The following TM6SF1 variants were observed in gnomAD, a reference collection of about 807,000 sequenced individuals.
The protein encoded by TM6SF1 is transmembrane 6 superfamily member 1.
Under a neutral mutation model 47.1 loss-of-function variants are expected in TM6SF1, and 43 were observed. The ratio of observed to expected loss-of-function variants is 0.91; its 90% CI spans 0.72 to 1.18. TM6SF1 has a LOEUF of 1.18. TM6SF1 is among the 50% of genes most tolerant of loss of function. TM6SF1 has a pLI of 0.00. For synonymous variants in TM6SF1, 177 were observed against 166.3 expected (o/e 1.06, Z -0.49); for missense variants, 390 against 449.0 (o/e 0.87, Z 1.19).
At chr15:83,113,746 C>G (rs2034404418) in intron 2 of TM6SF1, 1 of 152,654 alleles carries the variant, frequency 6.6e-6, no homozygotes, top group African/African-American at 2.4e-5. Flanking sequence ...CCAGGCATGC[C>G]CTTCTCATGG....
At chr15:83,116,072 G>C in intron 3 of TM6SF1, 130 bp downstream of exon 3, 1 of 689,540 alleles carries the variant, frequency 1.5e-6, no homozygotes, top group East Asian at 2.7e-5. Flanking sequence ...TCCTATAATA[G>C]CCTTAGGTCG....
intron 9 of TM6SF1, chr15:83,130,649 T>C (rs1014771656): frequency 2.0e-5 from 3 of 152,232 alleles, no homozygotes; most frequent in Admixed American, 2.0e-4. Flanking sequence ...TTATAGTGTG[T>C]AGGCTAAGGA....
At chr15:83,108,846 A>G (rs543434723) in intron 1 of TM6SF1, among the ~76,000 whole-genome samples, 23 of 152,310 alleles carry the variant, frequency 1.5e-4, no homozygotes, top group African/African-American at 5.1e-4. Context: ...ACCCACACTG[A>G]GTGCTCACCA....
intron 1 of TM6SF1, among the ~76,000 whole-genome samples, chr15:83,108,194 A>T (rs2033839867): frequency 6.6e-6 from 1 of 152,114 alleles, no homozygotes. Context: ...ACTTTCGCAT[A>T]CTTATCATTT....
intron 1 of TM6SF1, among the ~76,000 whole-genome samples, chr15:83,110,196 C>T (rs1452279698): frequency 6.6e-6 from 1 of 152,178 alleles, no homozygotes; most frequent in Non-Finnish European, 1.5e-5. Flanking sequence ...GTCTCCCTCT[C>T]TCACTGAGAG....
At position 83,132,452 on chromosome 15, in the gene TM6SF1, C is replaced by CT. The variant is rs541195581; in HGVS notation, c.922-4028dup. ...CAGTCAGGTGCTGCCCTCAGACTCT[C>CT]TAACTCCCTGGCTATGTAGGTGCTA... On this transcript the variant is annotated intron_variant, in intron 9 of 9. Transcript: ENST00000322019. 6.6e-4 allele frequency: 101 copies of CT among 152,334 alleles called. 1 individual carries two copies. The highest frequency in any genetic ancestry group is 2.3e-3 in the African/African-American group (94 of 41,574). 9.4% of individuals were successfully genotyped at this position (152,334 alleles called of 1,614,324 possible).
chr15:83,112,914 A>G lies in TM6SF1; in HGVS notation c.196+14A>G, dbSNP rs370638491. The G allele has an allele frequency of 5.3e-5, 84 of 1,585,286 alleles. No individual in the cohort carries two copies. Among genetic ancestry groups the G allele is most frequent in the Non-Finnish European group, 6.9e-5 (80 of 1,153,686 alleles). On this transcript the variant is annotated intron_variant, in intron 2 of 9. Transcript: ENST00000322019. ...CACTGTTCTATGGTACGTCTCCACA[A>G]AGGGAAATCTTTTGTATCTGATTAA...
intron 2 of TM6SF1, 73 bp downstream of exon 2, chr15:83,112,973 C>A: frequency 7.9e-7 from 1 of 1,270,746 alleles, no homozygotes; most frequent in Non-Finnish European, 1.2e-6. Flanking sequence ...TCACATATTC[C>A]TCCTTGGTTG....
At chr15:83,122,045 C>G (rs760511780) in intron 5 of TM6SF1, 42 bp downstream of exon 5, 1 of 1,460,520 alleles carries the variant, frequency 6.8e-7, no homozygotes, top group East Asian at 2.3e-5. Flanking sequence ...TTTTCTAAAA[C>G]AATGGGGCTT....
At chr15:83,126,347 AG>A (rs2035751047) in intron 7 of TM6SF1, among the ~76,000 whole-genome samples, 1 of 152,202 alleles carries the variant, frequency 6.6e-6, no homozygotes, top group Non-Finnish European at 1.5e-5. Flanking sequence ...GGAGACAGGA[AG>A]GTGCTATTTT....
chr15:83,120,571 T>G (rs1040569632), intron 4 of TM6SF1, among the ~76,000 whole-genome samples: 2 of 150,896 alleles, frequency 1.3e-5, no homozygotes, highest in Non-Finnish European at 2.9e-5. Flanking sequence ...GCACTCAAGG[T>G]CAGCTCCAGC....
At chr15:83,128,494 C>T (rs2035964308) in intron 9 of TM6SF1, 3 of 152,174 alleles carry the variant, frequency 2.0e-5, no homozygotes. Flanking sequence ...CCTCTAAATA[C>T]CTGATTCCTC....
rs1176944978 is a variant in TM6SF1 at position 83,107,834 on chromosome 15, G to C, written c.92+62G>C. The C allele has an allele frequency of 2.0e-6, 3 of 1,515,844 alleles. No homozygotes were observed. The highest frequency in any genetic ancestry group is 1.4e-5 in the African/African-American group (1 of 69,252). The allele number at this position is 1,515,844 out of a possible 1,614,324, so 93.9% of individuals were successfully genotyped here. ...GCGGCGGGAGTTGGCTCGCCGCGAC[G>C]GGAGCCTCGCAACTTTTCCGAGGGG... On this transcript the variant is annotated intron_variant, in intron 1 of 9. Coordinates refer to ENST00000322019, the MANE Select transcript of TM6SF1 (RefSeq NM_023003.5). The surrounding 1 kb of genome is among the most constrained non-coding windows in gnomAD (Gnocchi z 5.6).
chr15:83,107,964 G>T lies in TM6SF1; in HGVS notation c.92+192G>T. ...GGGGTCGCACGGGCCGGGTCTTGGAGCCGGGCCCTGAGGTGCCCAGGCTGG... is the reference window on the plus strand; with the variant it reads ...GGGGTCGCACGGGCCGGGTCTTGGATCCGGGCCCTGAGGTGCCCAGGCTGG... On this transcript the variant is annotated intron_variant, in intron 1 of 9. Coordinates refer to ENST00000322019, the MANE Select transcript of TM6SF1 (RefSeq NM_023003.5). This position sits in a 1 kb window ranked among gnomAD's most constrained non-coding sequence, Gnocchi z 5.6. 2.6e-6 allele frequency: 3 copies of T among 1,168,734 alleles called. No homozygotes were observed. The highest frequency in any genetic ancestry group is 2.4e-5 in the South Asian group (1 of 42,544). The allele number at this position is 1,168,734 out of a possible 1,614,324, so 72.4% of individuals were successfully genotyped here. A position where few individuals can be genotyped will look rare whatever the true frequency, so the allele number is the denominator to read the frequency against.
intron 7 of TM6SF1, 101 bp from the exon 8 acceptor site, chr15:83,126,654 G>A: frequency 1.1e-6 from 1 of 922,602 alleles, no homozygotes; most frequent in Non-Finnish European, 1.7e-6. Context: ...TTGTTAAACA[G>A]CAAAGCAGCT....
At chr15:83,117,948 C>T (rs138507662) in intron 3 of TM6SF1, among the ~76,000 whole-genome samples, 47 of 152,036 alleles carry the variant, frequency 3.1e-4, no homozygotes, top group Middle Eastern at 3.4e-3. Flanking sequence ...GGAGAATTGC[C>T]GGGGTGACAT....
chr15:83,124,216 T>C (rs1166870013), intron 6 of TM6SF1, among the ~76,000 whole-genome samples: 3 of 152,194 alleles, frequency 2.0e-5, no homozygotes, highest in Non-Finnish European at 2.9e-5. Flanking sequence ...CAGAATTGTT[T>C]ATATACAGGA....
chr15:83,119,442 A>G lies in TM6SF1; in HGVS notation c.295-136A>G, dbSNP rs963799450. 6 of 940,822 alleles carry G rather than the reference A, an allele frequency of 6.4e-6. No homozygotes were observed. The African/African-American group carries it at 9.9e-5, about 15-fold the overall frequency. The allele number at this position is 940,822 out of a possible 1,614,324, so 58.3% of individuals were successfully genotyped here. A position where few individuals can be genotyped will look rare whatever the true frequency, so the allele number is the denominator to read the frequency against. ...AAGTTGTATTTTCATGTTCCTACCA[A>G]TTTTGAAGAAATAGTTTCATCTTAG... On this transcript the variant is annotated intron_variant, in intron 3 of 9. Transcript: ENST00000322019.
intron 3 of TM6SF1, 138 bp downstream of exon 3, chr15:83,116,080 T>C (rs1877339044): frequency 3.0e-6 from 2 of 668,304 alleles, no homozygotes; most frequent in Non-Finnish European, 5.2e-6. Flanking sequence ...TAGCCTTAGG[T>C]CGCTTAGTCA....
Sources: allele counts gnomAD v4.1 joint callset (sites outside exome capture counted in the v4.1 genomes callset), GRCh38; gene constraint gnomAD v4.1.1; non-coding constraint Gnocchi (gnomAD v3.1); transcripts MANE v1.5; gene names NCBI Gene and HGNC (gene_info 2026-07-23, HGNC 2026-07-21).